CRB1: variants seen among roughly 807,000 people sequenced by gnomAD.
CRB1 encodes the protein crumbs cell polarity complex component 1.
CRB1 carries 83 observed loss-of-function variants against 120.0 expected under a neutral mutation model. The observed-to-expected ratio is 0.69, with a 90% CI of 0.58 to 0.83. The LOEUF (loss-of-function observed/expected upper bound fraction) is 0.83, where lower values mean the gene tolerates loss of function less well. CRB1 is among the 40% of genes least tolerant of loss of function. The probability of loss-of-function intolerance (pLI) is 0.00; values close to 1 mark genes in which losing one functional copy is unlikely to be tolerated. For synonymous variants in CRB1, 625 were observed against 612.5 expected, an observed-to-expected ratio of 1.02 and a Z score of -0.30; for missense variants, 1,699 against 1,687.6, an observed-to-expected ratio of 1.01 and a Z score of -0.12.
chr1:197,241,188 G>A, the CRB1 span, among the ~76,000 whole-genome samples: 1 of 152,172 alleles, frequency 6.6e-6, no homozygotes, highest in African/African-American at 2.4e-5. Flanking sequence ...TTGCTGTGCA[G>A]AAGCTCTTTA....
At chr1:197,314,685 T>G (rs1239631557) in intron 1 of CRB1, among the ~76,000 whole-genome samples, 3 of 152,222 alleles carry the variant, frequency 2.0e-5, no homozygotes, top group African/African-American at 7.2e-5. Flanking sequence ...TGCTTTTATT[T>G]TGTTTTTGAA....
At chr1:197,317,230 C>G (rs1392371494) in intron 1 of CRB1, among the ~76,000 whole-genome samples, 1 of 152,088 alleles carries the variant, frequency 6.6e-6, no homozygotes, top group Non-Finnish European at 1.5e-5. Flanking sequence ...CCAGCCTGAC[C>G]AACATGGTGA....
the CRB1 span, among the ~76,000 whole-genome samples, chr1:197,210,841 A>G: frequency 6.6e-6 from 1 of 151,904 alleles, no homozygotes; most frequent in Non-Finnish European, 1.5e-5. Flanking sequence ...AGAGCTACAC[A>G]CTCTAGAATC....
intron 5 of CRB1, among the ~76,000 whole-genome samples, chr1:197,366,614 A>T (rs1661089471): frequency 6.6e-6 from 1 of 152,218 alleles, no homozygotes; most frequent in African/African-American, 2.4e-5. Flanking sequence ...ATACTCAGGG[A>T]GTTAGAAATA....
intron 6 of CRB1, 76 bp downstream of exon 6, chr1:197,422,032 T>C (rs556040697): frequency 7.6e-7 from 1 of 1,309,484 alleles, no homozygotes; most frequent in Non-Finnish European, 1.1e-6. Flanking sequence ...ACAGCCAGAC[T>C]GCTTCTGCCT....
intron 5 of CRB1, among the ~76,000 whole-genome samples, chr1:197,402,027 C>T (rs1484385909): frequency 6.6e-6 from 1 of 150,436 alleles, no homozygotes; most frequent in Non-Finnish European, 1.5e-5. Context: ...TATTGTTTTT[C>T]TTCTTTTTGT....
chr1:197,439,492 G>A (rs531734923), intron 10 of CRB1: 1 of 152,182 alleles, frequency 6.6e-6, no homozygotes, highest in African/African-American at 2.4e-5. Flanking sequence ...ACGTATAAAG[G>A]GCCTATCCAC....
intron 1 of CRB1, among the ~76,000 whole-genome samples, chr1:197,274,230 G>A (rs115738044): frequency 0.015 from 2,267 of 151,984 alleles, 54 homozygotes; most frequent in African/African-American, 0.047. Flanking sequence ...CATATATAGC[G>A]GTATTGGACT....
rs899387924 is a variant in CRB1, at chr1:197,435,928, A to C, written c.3749+316A>C. On this transcript the variant is annotated intron_variant, in intron 9 of 11. Transcript: ENST00000367400. The stretch of plus-strand genomic sequence containing the variant: ...GGCCTCGGGAAACAAATGCATTTAC[A>C]ATAAATGCAAAAGCTGAAATGTAGT... Among the ~76,000 whole-genome samples, 8 of 152,316 alleles carry C rather than the reference A, an allele frequency of 5.3e-5. No homozygotes were observed. The South Asian group carries it at 1.7e-3, about 32-fold the overall frequency.
the CRB1 span, among the ~76,000 whole-genome samples, chr1:197,239,312 CA>C: frequency 1.3e-5 from 2 of 151,956 alleles, no homozygotes; most frequent in African/African-American, 4.8e-5. Context: ...ATTAAAATAT[CA>C]AAAATTAAAA....
intron 11 of CRB1, among the ~76,000 whole-genome samples, chr1:197,469,881 T>A (rs577675505): frequency 6.6e-6 from 1 of 152,090 alleles, no homozygotes; most frequent in East Asian, 1.9e-4. Flanking sequence ...ACAAACACAT[T>A]GTTTGTTGAT....
intron 11 of CRB1, among the ~76,000 whole-genome samples, chr1:197,459,997 C>A (rs1441480383): frequency 1.3e-5 from 1 of 77,082 alleles, no homozygotes; most frequent in Non-Finnish European, 2.9e-5. Flanking sequence ...CTTTAAGCCC[C>A]CCTCTTTTTT....
chr1:197,469,216 T>C (rs1666876442), intron 11 of CRB1, among the ~76,000 whole-genome samples: 1 of 152,158 alleles, frequency 6.6e-6, no homozygotes, highest in Non-Finnish European at 1.5e-5. Context: ...TGAGACCCTG[T>C]CTCAAAATAA....
rs552660187 is a variant in CRB1 at position 197,279,514 on chromosome 1, A to T, written c.70+11032A>T. ...CTCTTCACTAACCTCATTATATCAAATTTTTTTTTGTTTGTTTTCTGGCTT... is the reference window on the plus strand; with the variant it reads ...CTCTTCACTAACCTCATTATATCAATTTTTTTTTTGTTTGTTTTCTGGCTT... On this transcript the variant is annotated intron_variant, in intron 1 of 11. Coordinates refer to ENST00000367400, the MANE Select transcript of CRB1 (RefSeq NM_201253.3). Among the ~76,000 whole-genome samples, 460 of 148,294 alleles carry T rather than the reference A, an allele frequency of 3.1e-3. 1 individual carries two copies. Among genetic ancestry groups the T allele is most frequent in the African/African-American group, 0.011 (437 of 40,532 alleles).
chr1:197,301,795 G>C (rs981788123), intron 1 of CRB1, among the ~76,000 whole-genome samples: 1 of 152,076 alleles, frequency 6.6e-6, no homozygotes, highest in Non-Finnish European at 1.5e-5. Context: ...GGAAATAGCA[G>C]GAGAAGTAGA....
At chr1:197,469,771 T>G (rs1666902534) in intron 11 of CRB1, among the ~76,000 whole-genome samples, 1 of 152,196 alleles carries the variant, frequency 6.6e-6, no homozygotes, top group Non-Finnish European at 1.5e-5. Flanking sequence ...TCCTGCTTAT[T>G]TTTTACCTTT....
chr1:197,447,107 T>C (rs1381348215), intron 11 of CRB1, among the ~76,000 whole-genome samples: 2 of 152,208 alleles, frequency 1.3e-5, no homozygotes, highest in East Asian at 3.9e-4. Flanking sequence ...AGCCCAGGCA[T>C]GGCTTAACTA....
At chr1:197,294,393 G>A (rs998190409) in intron 1 of CRB1, among the ~76,000 whole-genome samples, 44 of 150,250 alleles carry the variant, frequency 2.9e-4, no homozygotes, top group Non-Finnish European at 1.5e-4. Context: ...TTAGAATGGC[G>A]ATCATCAGGA....
At chr1:197,473,560 AT>A (rs1413682349) in intron 11 of CRB1, among the ~76,000 whole-genome samples, 1 of 151,818 alleles carries the variant, frequency 6.6e-6, no homozygotes, top group African/African-American at 2.4e-5. Flanking sequence ...TACAATATAC[AT>A]TTTTTAAAAG....
Sources: gnomAD v4.1 joint callset for allele counts (sites outside exome capture counted in the v4.1 genomes callset) on GRCh38, gnomAD v4.1.1 for gene constraint, MANE v1.5 for transcripts, NCBI Gene and HGNC (gene_info 2026-07-23, HGNC 2026-07-21) for gene names.